TEAD1: variants seen among roughly 807,000 people sequenced by gnomAD.
TEAD1 encodes TEA domain transcription factor 1.
In TEAD1, 9 loss-of-function variants were observed where a neutral mutation model predicts 54.9. That is an observed-to-expected ratio of 0.16 (90% CI 0.10 to 0.29). The LOEUF (loss-of-function observed/expected upper bound fraction) is 0.29. TEAD1 is among the 10% of genes least tolerant of loss of function. TEAD1 has a pLI of 1.00. For synonymous variants in TEAD1, 200 were observed against 187.8 expected, an observed-to-expected ratio of 1.07 and a Z score of -0.53; for missense variants, 387 against 535.9, an observed-to-expected ratio of 0.72 and a Z score of 2.74.
At chr11:12,693,354 A>G (rs1943504387) in intron 2 of TEAD1, among the ~76,000 whole-genome samples, 1 of 152,230 alleles carries the variant, frequency 6.6e-6, no homozygotes. Flanking sequence ...TTTATTACCC[A>G]TTAATCATTG....
At chr11:12,872,428 G>A (rs1223785385) in intron 5 of TEAD1, among the ~76,000 whole-genome samples, 1 of 152,140 alleles carries the variant, frequency 6.6e-6, no homozygotes, top group African/African-American at 2.4e-5. Context: ...CAATCTTCAG[G>A]GGGAGTTCTT....
At chr11:12,711,023 G>A (rs182864670) in intron 2 of TEAD1, among the ~76,000 whole-genome samples, 15 of 152,296 alleles carry the variant, frequency 9.8e-5, no homozygotes, top group South Asian at 4.2e-4. Context: ...TTTTAGGACT[G>A]TACTGTGAAT....
intron 3 of TEAD1, among the ~76,000 whole-genome samples, chr11:12,764,838 C>T (rs192788202): frequency 6.0e-5 from 9 of 150,410 alleles, no homozygotes; most frequent in Non-Finnish European, 1.0e-4. Context: ...CTGGTGCTCC[C>T]GAATCCCTTG....
rs370856457 is a variant in TEAD1, at chr11:12,879,855, C to T, written c.465+13C>T. On this transcript the variant is annotated intron_variant, in intron 6 of 12. Transcript: ENST00000527636. ...AGGGGCGCCGGGGGTAAGTCATGAGCTCAGTCCAGTAATGACAGCTGCTGG... is the reference window on the plus strand; with the variant it reads ...AGGGGCGCCGGGGGTAAGTCATGAGTTCAGTCCAGTAATGACAGCTGCTGG... 428 of 1,612,680 alleles carry T rather than the reference C, an allele frequency of 2.7e-4. No individual in the cohort carries two copies. Among genetic ancestry groups the T allele is most frequent in the Non-Finnish European group, 3.4e-4 (407 of 1,180,040 alleles).
chr11:12,886,870 T>G (rs1285736176), intron 9 of TEAD1, among the ~76,000 whole-genome samples: 1 of 152,084 alleles, frequency 6.6e-6, no homozygotes, highest in Non-Finnish European at 1.5e-5. Flanking sequence ...TACCCCCTAA[T>G]AGATATGTTG....
At chr11:12,748,799 C>T (rs571268603) in intron 2 of TEAD1, among the ~76,000 whole-genome samples, 12 of 148,336 alleles carry the variant, frequency 8.1e-5, no homozygotes, top group African/African-American at 2.5e-4. Context: ...AGAAATGGTG[C>T]GGTCCTTTCC....
chr11:12,729,723 GT>G (rs2133876971), intron 2 of TEAD1, among the ~76,000 whole-genome samples: 1 of 152,232 alleles, frequency 6.6e-6, no homozygotes, highest in South Asian at 2.1e-4. Context: ...TAGCATTAAA[GT>G]TGTGTCTGCT....
chr11:12,679,273 C>G (rs1173204091), intron 2 of TEAD1, among the ~76,000 whole-genome samples: 1 of 152,172 alleles, frequency 6.6e-6, no homozygotes, highest in Non-Finnish European at 1.5e-5. Flanking sequence ...TATCCTAATG[C>G]AATGCTTTCT....
intron 10 of TEAD1, chr11:12,922,921 CTCAAAAAAAAAAA>C (rs1360617262): frequency 7.2e-5 from 4 of 55,516 alleles, no homozygotes; most frequent in African/African-American, 2.9e-4. Context: ...CAGACCCTGT[CTCAAAAAAAAAAA>C]AAAAAAAAAA....
At chr11:12,755,847 C>T (rs1357428596) in intron 2 of TEAD1, among the ~76,000 whole-genome samples, 1 of 152,010 alleles carries the variant, frequency 6.6e-6, no homozygotes. Context: ...TGAAGGAGTC[C>T]ACTGATAAAG....
chr11:12,709,207 G>A (rs929597607), intron 2 of TEAD1, among the ~76,000 whole-genome samples: 2 of 152,044 alleles, frequency 1.3e-5, no homozygotes, highest in African/African-American at 2.4e-5. Context: ...GCTTGATGGT[G>A]TGCACCTGTG....
chr11:12,732,834 A>C (rs1428211452), intron 2 of TEAD1, among the ~76,000 whole-genome samples: 3 of 152,196 alleles, frequency 2.0e-5, no homozygotes, highest in Admixed American at 2.0e-4. Context: ...GATTGCATAG[A>C]ATGGTCTTAT....
chr11:12,772,358 T>C (rs758401308), intron 3 of TEAD1, among the ~76,000 whole-genome samples: 1 of 152,130 alleles, frequency 6.6e-6, no homozygotes, highest in Non-Finnish European at 1.5e-5. Context: ...GAGTTGAGGA[T>C]GTATTTGATG....
intron 3 of TEAD1, among the ~76,000 whole-genome samples, chr11:12,834,597 CCAATTAAAGA>C (rs1272218171): frequency 6.6e-6 from 1 of 151,516 alleles, no homozygotes; most frequent in Non-Finnish European, 1.5e-5. Context: ...GTACCTGTTA[CCAATTAAAGA>C]TATTTTTTGT....
chr11:12,800,066 A>C (rs1259697475), intron 3 of TEAD1, among the ~76,000 whole-genome samples: 1 of 152,220 alleles, frequency 6.6e-6, no homozygotes, highest in Admixed American at 6.5e-5. Flanking sequence ...TACAGTTTCC[A>C]GTAAGGGAGT....
At chr11:12,879,458 T>C in intron 5 of TEAD1, 1 of 622,234 alleles carries the variant, frequency 1.6e-6, no homozygotes, top group East Asian at 2.7e-5. Context: ...GGCTTCACAT[T>C]CTGTTGGAAA....
chr11:12,879,042 C>T (rs1479030604), intron 5 of TEAD1: 3 of 558,088 alleles, frequency 5.4e-6, no homozygotes, highest in East Asian at 6.8e-5. Flanking sequence ...GTAGCATCCC[C>T]TAGGCTCCTG....
At chr11:12,725,422 G>GCATA in intron 2 of TEAD1, among the ~76,000 whole-genome samples, 1 of 152,242 alleles carries the variant, frequency 6.6e-6, no homozygotes, top group East Asian at 1.9e-4. Flanking sequence ...GAGTGACTAT[G>GCATA]GTTAACAACA....
chr11:12,823,520 C>T (rs1273798532), intron 3 of TEAD1: 1 of 152,212 alleles, frequency 6.6e-6, no homozygotes, highest in African/African-American at 2.4e-5. Context: ...CCTTCTCAGA[C>T]ACCCTGGCCT....
Sources: gnomAD v4.1 joint callset for allele counts (sites outside exome capture counted in the v4.1 genomes callset) on GRCh38, gnomAD v4.1.1 for gene constraint, MANE v1.5 for transcripts, NCBI Gene and HGNC (gene_info 2026-07-23, HGNC 2026-07-21) for gene names.